CDH13: variants seen among roughly 807,000 people sequenced by gnomAD.
CDH13 encodes the protein cadherin 13, also known as cadherin-13.
A neutral mutation model predicts 63.8 loss-of-function variants in CDH13; 24 were observed. That is an observed-to-expected ratio of 0.38 (90% CI 0.27 to 0.53). CDH13 has a LOEUF of 0.53. CDH13 is among the 20% of genes least tolerant of loss of function. CDH13 has a pLI of 0.85. For synonymous variants in CDH13, 503 were observed against 355.3 expected, an observed-to-expected ratio of 1.42 and a Z score of -4.67; for missense variants, 1,049 against 903.1, an observed-to-expected ratio of 1.16 and a Z score of -2.07.
intron 2 of CDH13, among the ~76,000 whole-genome samples, chr16:83,013,540 C>G (rs1007724591): frequency 1.3e-5 from 2 of 152,222 alleles, no homozygotes; most frequent in African/African-American, 4.8e-5. Flanking sequence ...CCAATCCTCA[C>G]AAGTGGGATT....
At chr16:83,350,400 G>T (rs775205017) in intron 6 of CDH13, among the ~76,000 whole-genome samples, 1 of 152,230 alleles carries the variant, frequency 6.6e-6, no homozygotes, top group Non-Finnish European at 1.5e-5. Flanking sequence ...AAAGGTGCAC[G>T]TTCTGTGTCC....
intron 4 of CDH13, among the ~76,000 whole-genome samples, chr16:83,176,235 C>A (rs544728372): frequency 4.6e-5 from 7 of 151,206 alleles, no homozygotes; most frequent in Admixed American, 4.6e-4. Context: ...ATTGTGGCTA[C>A]GCTTGGTGGC....
At chr16:83,672,214 T>C (rs1017234) in intron 9 of CDH13, among the ~76,000 whole-genome samples, 53,587 of 151,790 alleles carry the variant, frequency 0.35, 9,847 homozygotes, top group East Asian at 0.51. Flanking sequence ...CATTGAGTTG[T>C]TATAATGAAG....
chr16:83,451,045 G>A (rs751882503), intron 6 of CDH13, among the ~76,000 whole-genome samples: 20 of 152,168 alleles, frequency 1.3e-4, no homozygotes, highest in Non-Finnish European at 2.6e-4. Flanking sequence ...TTTTTAATAA[G>A]CGCCCCCAGT....
At chr16:82,915,702 G>A (rs761424584) in intron 2 of CDH13, among the ~76,000 whole-genome samples, 10 of 151,888 alleles carry the variant, frequency 6.6e-5, no homozygotes, top group Non-Finnish European at 1.2e-4. Flanking sequence ...TGTGAGTTTT[G>A]ATGATTGTCT....
chr16:83,182,542 T>C lies in CDH13; in HGVS notation c.484-34803T>C, dbSNP rs1170695462. Reference sequence around the variant, plus strand: ...TCATAACTGCCACCAGTCTCTAAGCTTTGTCCTTTAAAGTCTGCGGACACT... The same window carrying C: ...TCATAACTGCCACCAGTCTCTAAGCCTTGTCCTTTAAAGTCTGCGGACACT... On this transcript the variant is annotated intron_variant, in intron 4 of 13. Coordinates refer to ENST00000567109, the MANE Select transcript of CDH13 (RefSeq NM_001257.5). 3.9e-5 allele frequency among the ~76,000 whole-genome samples: 6 copies of C among 152,228 alleles called. 1 individual carries two copies. Among genetic ancestry groups the C allele is most frequent in the Non-Finnish European group, 7.3e-5 (5 of 68,038 alleles).
chr16:82,726,669 A>G (rs1369093604), intron 1 of CDH13, among the ~76,000 whole-genome samples: 1 of 152,226 alleles, frequency 6.6e-6, no homozygotes, highest in Non-Finnish European at 1.5e-5. Context: ...CTTCTGCAAA[A>G]GAGAAATCAG....
rs139281914 is a variant in CDH13, at chr16:83,008,390, G to A, written c.158-23620G>A. ...GGAAATGTGGGGGAATTGCACTGTA[G>A]GCAGAAAGTACAGCAGATGCAAAGG... is the stretch of plus-strand genomic sequence containing the variant. On this transcript the variant is annotated intron_variant, in intron 2 of 13. Transcript: ENST00000567109. Among the ~76,000 whole-genome samples, 433 of 152,296 alleles carry A rather than the reference G, an allele frequency of 2.8e-3. 2 individuals are homozygous for A. Among genetic ancestry groups the A allele is most frequent in the African/African-American group, 9.9e-3 (411 of 41,562 alleles).
At chr16:83,571,396 TA>T (rs1455095911) in intron 7 of CDH13, among the ~76,000 whole-genome samples, 1 of 152,172 alleles carries the variant, frequency 6.6e-6, no homozygotes, top group African/African-American at 2.4e-5. Context: ...GCCAAGTTTT[TA>T]CTTCTTTAAA....
chr16:83,294,644 T>C (rs955819393), intron 5 of CDH13, among the ~76,000 whole-genome samples: 1 of 151,964 alleles, frequency 6.6e-6, no homozygotes, highest in Non-Finnish European at 1.5e-5. Flanking sequence ...TATTCATGTA[T>C]TGATGGACAT....
At chr16:83,557,373 C>T (rs1047171510) in intron 7 of CDH13, among the ~76,000 whole-genome samples, 2 of 152,142 alleles carry the variant, frequency 1.3e-5, no homozygotes, top group African/African-American at 4.8e-5. Context: ...GGGCTTGACT[C>T]ATCCCAAAAC....
chr16:83,618,052 T>C (rs8059160), intron 8 of CDH13, among the ~76,000 whole-genome samples: 69,698 of 152,080 alleles, frequency 0.46, 17,514 homozygotes, highest in African/African-American at 0.67. Context: ...TAGTGCATGA[T>C]CAAATAACTG....
At chr16:83,291,481 T>C (rs144718744) in intron 5 of CDH13, among the ~76,000 whole-genome samples, 96 of 152,298 alleles carry the variant, frequency 6.3e-4, no homozygotes, top group African/African-American at 2.3e-3. Context: ...GACAAAGTCA[T>C]CATTAGGCAG....
At position 83,113,406 on chromosome 16, in the gene CDH13, C is replaced by G. The variant is rs370835996; in HGVS notation, c.367-11979C>G. Among the ~76,000 whole-genome samples, 53 of 152,352 alleles carry G rather than the reference C, an allele frequency of 3.5e-4. 1 individual carries two copies. The highest frequency in any genetic ancestry group is 1.3e-3 in the African/African-American group (53 of 41,578). ...TGGATTACTCAAATTCTTACAATAA[C>G]TCTATATTTATTTCATAATTGCTTT... On this transcript the variant is annotated intron_variant, in intron 3 of 13. Coordinates refer to ENST00000567109, the MANE Select transcript of CDH13 (RefSeq NM_001257.5).
At chr16:82,890,858 G>T (rs1387363327) in intron 2 of CDH13, among the ~76,000 whole-genome samples, 1 of 151,824 alleles carries the variant, frequency 6.6e-6, no homozygotes, top group African/African-American at 2.4e-5. Context: ...TACCGTGTTG[G>T]CCAGGCTGGT....
intron 3 of CDH13, among the ~76,000 whole-genome samples, chr16:83,074,741 C>T (rs572489842): frequency 2.2e-4 from 33 of 152,328 alleles, no homozygotes; most frequent in Non-Finnish European, 2.1e-4. Context: ...ACAGTCCTCA[C>T]TGGTGCTATT....
At chr16:83,360,936 G>A (rs1284865961) in intron 6 of CDH13, among the ~76,000 whole-genome samples, 1 of 152,140 alleles carries the variant, frequency 6.6e-6, no homozygotes, top group Non-Finnish European at 1.5e-5. Flanking sequence ...TGTCTTTTTG[G>A]TAGAACAATT....
At chr16:83,761,590 A>G (rs1913972025) in intron 11 of CDH13, among the ~76,000 whole-genome samples, 1 of 152,232 alleles carries the variant, frequency 6.6e-6, no homozygotes, top group South Asian at 2.1e-4. Flanking sequence ...TTTGAACGCT[A>G]TTTGAACAGT....
At chr16:83,253,977 A>T (rs981673862) in intron 5 of CDH13, among the ~76,000 whole-genome samples, 2 of 152,184 alleles carry the variant, frequency 1.3e-5, no homozygotes, top group African/African-American at 4.8e-5. Flanking sequence ...CCCAGAGTCA[A>T]TCTTAGATAG....
Sources: allele counts gnomAD v4.1 joint callset (sites outside exome capture counted in the v4.1 genomes callset), GRCh38; gene constraint gnomAD v4.1.1; transcripts MANE v1.5; gene names NCBI Gene and HGNC (gene_info 2026-07-23, HGNC 2026-07-21).